TNRC18: variants seen among roughly 807,000 people sequenced by gnomAD.
The protein encoded by TNRC18 is trinucleotide repeat-containing gene 18 protein.
In TNRC18, 69 loss-of-function variants were observed where a neutral mutation model predicts 226.7. The ratio of observed to expected loss-of-function variants is 0.30; its 90% CI spans 0.25 to 0.37. The LOEUF is 0.37. Ranked by LOEUF, TNRC18 falls within the 10% of genes least tolerant of loss-of-function variation. The pLI is 1.00. For synonymous variants in TNRC18, 2,449 were observed against 1,927.6 expected (o/e 1.27, Z -7.09); for missense variants, 4,754 against 4,256.6 (o/e 1.12, Z -3.25).
intron 2 of TNRC18, among the ~76,000 whole-genome samples, chr7:5,403,152 CATTTT>C (rs1228586736): frequency 2.1e-5 from 3 of 143,714 alleles, no homozygotes; most frequent in Non-Finnish European, 4.5e-5. Flanking sequence ...AAACACATTA[CATTTT>C]ATCTTCACTT....
chr7:5,387,639 C>A, intron 5 of TNRC18, 33 bp downstream of exon 5: 1 of 1,599,596 alleles, frequency 6.3e-7, no homozygotes, highest in South Asian at 1.1e-5. Context: ...GACCCAAGAT[C>A]CTACCCGCAC....
rs1301467358 is a variant in TNRC18, at chr7:5,313,046, G to T, written c.7845C>A (p.Ser2615=). The part of the protein sequence containing the change: ...ASSRAASPAS[S]SSSSSSSSSS... Reference sequence around the variant, plus strand: ...AGGAGGAGGAGGATGAGGAGGAGGAGGAGGAGGCCGGTGAGGCCGCCCTGG... The same window carrying T: ...AGGAGGAGGAGGATGAGGAGGAGGATGAGGAGGCCGGTGAGGCCGCCCTGG... The change falls in exon 27 of 30, where the codon TCC becomes TCA. Residue 2615 remains serine (S), a synonymous_variant. Coordinates refer to ENST00000430969, the MANE Select transcript of TNRC18 (RefSeq NM_001080495.3). 1.4e-5 allele frequency: 14 copies of T among 984,222 alleles called. No homozygotes were observed. Among genetic ancestry groups the T allele is most frequent in the Non-Finnish European group, 2.0e-5 (13 of 642,248 alleles). The allele number at this position is 984,222 out of a possible 1,614,324, so 61.0% of individuals were successfully genotyped here. A position where few individuals can be genotyped will look rare whatever the true frequency, so the allele number is the denominator to read the frequency against.
chr7:5,377,135 C>T lies in TNRC18; in HGVS notation c.2462-142G>A. The stretch of plus-strand genomic sequence containing the variant: ...GGAAGCCAAGGGACAGGGGTGCTGG[C>T]TGGCTGCAAAGAGCACCCCAGAGCC... On this transcript the variant is annotated intron_variant, in intron 7 of 29. Transcript: ENST00000430969. The surrounding 1 kb of genome is among the most constrained non-coding windows in gnomAD (Gnocchi z 5.8). 1 of 1,313,062 alleles carries T rather than the reference C, an allele frequency of 7.6e-7. No individual in the cohort carries two copies. The highest frequency in any genetic ancestry group is 1.0e-6 in the Non-Finnish European group (1 of 969,422). 81.3% of individuals were successfully genotyped at this position (1,313,062 alleles called of 1,614,324 possible).
Position 5,332,851 on chromosome 7 carries a change from T to C in TNRC18, c.5918A>G (p.Lys1973Arg). 1 of 1,510,792 alleles carries C rather than the reference T, an allele frequency of 6.6e-7. No individual in the cohort carries two copies. Among genetic ancestry groups the C allele is most frequent in the Non-Finnish European group, 8.8e-7 (1 of 1,138,760 alleles). The allele number at this position is 1,510,792 out of a possible 1,614,324, so 93.6% of individuals were successfully genotyped here. The change falls in exon 19 of 30, where the codon AAG becomes AGG. Residue 1973 changes from lysine (K) to arginine (R), a missense_variant. Coordinates refer to ENST00000430969, the MANE Select transcript of TNRC18 (RefSeq NM_001080495.3). ...LAVEKGRKAR[K>R]LRGPKEPGFE... ...GCCAGGCTCCTTGGGGCCCCGCAGC[T>C]TCCGGGCCTTGCGCCCCTTCTCCAC...
rs1013308517 is a variant in TNRC18 at position 5,307,252 on chromosome 7, T to C, written c.*854A>G. Reference sequence around the variant, plus strand: ...AGCTATTTTTCACAGTTTTAAAAAGTTTATATATATATTTATATATATTTA... The same window carrying C: ...AGCTATTTTTCACAGTTTTAAAAAGCTTATATATATATTTATATATATTTA... On this transcript the variant is annotated 3_prime_UTR_variant, in exon 30 of 30. Coordinates refer to ENST00000430969, the MANE Select transcript of TNRC18 (RefSeq NM_001080495.3). 56 of 149,278 alleles carry C rather than the reference T, an allele frequency of 3.8e-4. 1 individual carries two copies. The highest frequency in any genetic ancestry group is 3.4e-3 in the Admixed American group (51 of 14,970). 9.2% of individuals were successfully genotyped at this position (149,278 alleles called of 1,614,324 possible). A position where few individuals can be genotyped will look rare whatever the true frequency, so the allele number is the denominator to read the frequency against.
chr7:5,418,204 G>C (rs1029034554), intron 2 of TNRC18, among the ~76,000 whole-genome samples: 7 of 152,172 alleles, frequency 4.6e-5, no homozygotes, highest in Non-Finnish European at 8.8e-5. Context: ...CCAAGCCCCA[G>C]GTGTTTGTCA....
chr7:5,383,631 C>T (rs574853133), intron 5 of TNRC18, among the ~76,000 whole-genome samples: 2 of 152,190 alleles, frequency 1.3e-5, no homozygotes, highest in South Asian at 2.1e-4. Context: ...TGTGACAACC[C>T]GACTGTCCTC....
chr7:5,353,562 G>GAAAAA (rs35875231), intron 16 of TNRC18, among the ~76,000 whole-genome samples: 2 of 86,546 alleles, frequency 2.3e-5, no homozygotes, highest in South Asian at 3.9e-4. Context: ...ATCATCTAAA[G>GAAAAA]AAAAAAAAAA....
rs187136784 is a variant in TNRC18, at chr7:5,411,063, C to T, written c.187+9997G>A. Reference sequence around the variant, plus strand: ...TCCATTTTAAAAAATACAGAATTACCCGGGCATGGTGGCACATGCCTGTTA... The same window carrying T: ...TCCATTTTAAAAAATACAGAATTACTCGGGCATGGTGGCACATGCCTGTTA... On this transcript the variant is annotated intron_variant, in intron 2 of 29. Transcript: ENST00000430969. Among the ~76,000 whole-genome samples, 3 of 151,132 alleles carry T rather than the reference C, an allele frequency of 2.0e-5. No individual in the cohort carries two copies. The East Asian group carries it at 5.9e-4, about 30-fold the overall frequency.
intron 1 of TNRC18, among the ~76,000 whole-genome samples, chr7:5,422,438 G>A (rs1411045746): frequency 6.6e-6 from 1 of 151,200 alleles, no homozygotes; most frequent in East Asian, 2.0e-4. Flanking sequence ...GTAGTTCCAG[G>A]TTAAAGCTGT....
intron 4 of TNRC18, 23 bp from the exon 5 acceptor site, chr7:5,389,359 C>G (rs1216488514): frequency 1.6e-6 from 2 of 1,251,982 alleles, no homozygotes; most frequent in Middle Eastern, 2.8e-4. Flanking sequence ...GAACAGCAGG[C>G]AGTGAGCGAG....
intron 3 of TNRC18, among the ~76,000 whole-genome samples, chr7:5,393,883 T>G (rs1780475366): frequency 1.3e-5 from 2 of 152,024 alleles, no homozygotes; most frequent in Admixed American, 1.3e-4. Flanking sequence ...CTGGGAAATT[T>G]TTTTTGTGGA....
intron 5 of TNRC18, among the ~76,000 whole-genome samples, chr7:5,382,078 C>T (rs560777089): frequency 1.4e-4 from 21 of 152,312 alleles, no homozygotes; most frequent in Non-Finnish European, 2.6e-4. Context: ...CAAACATGAA[C>T]TCATTCAATC....
intron 2 of TNRC18, among the ~76,000 whole-genome samples, chr7:5,416,899 G>T (rs1782225553): frequency 6.6e-6 from 1 of 152,092 alleles, no homozygotes; most frequent in South Asian, 2.1e-4. Flanking sequence ...GCCAAGGCAG[G>T]AGGAGCCCAG....
intron 11 of TNRC18, among the ~76,000 whole-genome samples, chr7:5,367,601 T>C (rs1793738632): frequency 6.6e-6 from 1 of 151,546 alleles, no homozygotes. Context: ...CTAATTTTTG[T>C]ATTTTTAGTA....
Position 5,376,923 on chromosome 7 carries a change from C to A in TNRC18, c.2532G>T (p.Pro844=), listed in dbSNP as rs375814260. 6.2e-7 allele frequency: 1 copy of A among 1,602,672 alleles called. No homozygotes were observed. The highest frequency in any genetic ancestry group is 8.5e-7 in the Non-Finnish European group (1 of 1,174,878). ...AFPPGLGGSL[P]SAYQFVRDPQ... ...GGTCCCTGACAAACTGGTAGGCTGA[C>A]GGGAGGGAGCCCCCCAGGCCAGGTG... The change falls in exon 8 of 30, where the codon CCG becomes CCT. Residue 844 remains proline (P), a synonymous_variant. Coordinates refer to ENST00000430969, the MANE Select transcript of TNRC18 (RefSeq NM_001080495.3).
rs1004304351 is a variant in TNRC18 at position 5,371,404 on chromosome 7, C to G, written c.3230-40G>C. 4.7e-6 allele frequency: 7 copies of G among 1,479,568 alleles called. No homozygotes were observed. The African/African-American group carries it at 8.4e-5, about 18-fold the overall frequency. 91.7% of individuals were successfully genotyped at this position (1,479,568 alleles called of 1,614,324 possible). A position where few individuals can be genotyped will look rare whatever the true frequency, so the allele number is the denominator to read the frequency against. On this transcript the variant is annotated intron_variant, in intron 10 of 29. Transcript: ENST00000430969. ...GGGGTCAGCATGGGAGCCCTAGGAT[C>G]TGATATCCCATGTCCCCACTGACAC...
chr7:5,416,631 G>A (rs187892873), intron 2 of TNRC18, among the ~76,000 whole-genome samples: 56 of 151,984 alleles, frequency 3.7e-4, no homozygotes, highest in Non-Finnish European at 5.3e-4. Flanking sequence ...CAAGGCAGGC[G>A]GATCACTTGA....
At chr7:5,314,138 A>AT (rs1335385582) in intron 26 of TNRC18, among the ~76,000 whole-genome samples, 1 of 149,560 alleles carries the variant, frequency 6.7e-6, no homozygotes, top group African/African-American at 2.5e-5. Context: ...TTTTTGTATT[A>AT]TTATTTTTTT....
Sources: allele counts gnomAD v4.1 joint callset (sites outside exome capture counted in the v4.1 genomes callset), GRCh38; gene constraint gnomAD v4.1.1; non-coding constraint Gnocchi (gnomAD v3.1); transcripts MANE v1.5; gene names NCBI Gene and HGNC (gene_info 2026-07-23, HGNC 2026-07-21).